PLAAT3: variants seen among roughly 807,000 people sequenced by gnomAD.
PLAAT3 encodes Ca-independent phospholipase A1/2.
Under a neutral mutation model 16.7 loss-of-function variants are expected in PLAAT3, and 21 were observed. That is an observed-to-expected ratio of 1.26 (90% CI 0.89 to 1.81). PLAAT3 has a LOEUF of 1.81. Ranked by LOEUF, PLAAT3 falls within the 40% of genes most tolerant of loss-of-function variation. The pLI is 0.00. For missense variants in PLAAT3, 219 were observed against 213.7 expected (o/e 1.02, Z -0.16); for synonymous variants, 76 against 81.7 (o/e 0.93, Z 0.38).
At chr11:63,586,246 G>A (rs1429871096) in intron 4 of PLAAT3, among the ~76,000 whole-genome samples, 2 of 152,152 alleles carry the variant, frequency 1.3e-5, no homozygotes, top group African/African-American at 4.8e-5. Context: ...CGATTCTCCT[G>A]CCTCAGCCTC....
upstream of PLAAT3, among the ~76,000 whole-genome samples, chr11:63,615,106 A>G (rs191768719): frequency 2.0e-5 from 2 of 101,266 alleles, 1 homozygote; most frequent in Non-Finnish European, 4.2e-5. Flanking sequence ...ATGTGTATAT[A>G]TGTGTGTATA....
chr11:63,596,806 G>T (rs1172962020), intron 3 of PLAAT3, among the ~76,000 whole-genome samples: 1 of 152,208 alleles, frequency 6.6e-6, no homozygotes, highest in South Asian at 2.1e-4. Context: ...TGGTTTAGAA[G>T]TGTGGCACTC....
intron 4 of PLAAT3, 125 bp downstream of exon 4, chr11:63,589,975 C>A: frequency 4.8e-5 from 34 of 715,336 alleles, no homozygotes; most frequent in East Asian, 9.1e-5. Flanking sequence ...ACTGTGACAT[C>A]CTCAAGGGCA....
chr11:63,609,087 C>T (rs990278174), intron 2 of PLAAT3, among the ~76,000 whole-genome samples: 4 of 152,160 alleles, frequency 2.6e-5, no homozygotes, highest in South Asian at 2.1e-4. Flanking sequence ...GGTCACAGAC[C>T]GCTCTCGGAC....
chr11:63,607,438 G>A (rs1938594720), intron 2 of PLAAT3, among the ~76,000 whole-genome samples: 2 of 151,832 alleles, frequency 1.3e-5, no homozygotes, highest in Non-Finnish European at 2.9e-5. Context: ...GAGGCTGGAG[G>A]ATCACTTGAG....
intron 4 of PLAAT3, among the ~76,000 whole-genome samples, chr11:63,576,988 C>T (rs561219088): frequency 5.3e-5 from 8 of 152,248 alleles, no homozygotes; most frequent in Admixed American, 5.2e-4. Context: ...ACATATTTAG[C>T]TTAACAAATT....
intron 3 of PLAAT3, among the ~76,000 whole-genome samples, chr11:63,597,196 G>A (rs558811987): frequency 6.8e-4 from 103 of 151,830 alleles, no homozygotes; most frequent in Non-Finnish European, 2.8e-4. Flanking sequence ...TTCCTGAGGC[G>A]TCCCCAGCCA....
intron 2 of PLAAT3, among the ~76,000 whole-genome samples, chr11:63,611,009 G>A (rs1052400311): frequency 6.6e-6 from 1 of 152,096 alleles, no homozygotes; most frequent in African/African-American, 2.4e-5. Context: ...CATAAAAGCC[G>A]CAAAAGCCCA....
At chr11:63,580,576 C>T (rs1315029979) in intron 4 of PLAAT3, among the ~76,000 whole-genome samples, 1 of 152,196 alleles carries the variant, frequency 6.6e-6, no homozygotes, top group Non-Finnish European at 1.5e-5. Flanking sequence ...ATCACTTGAA[C>T]CCAGGAGGCA....
At chr11:63,615,298 G>A (rs868579392), upstream of PLAAT3, among the ~76,000 whole-genome samples, 1 of 12,966 alleles carries the variant, frequency 7.7e-5, no homozygotes, top group African/African-American at 1.1e-4. Flanking sequence ...GTATATATAT[G>A]TGTGTATATA....
intron 2 of PLAAT3, among the ~76,000 whole-genome samples, chr11:63,604,574 C>G (rs953482236): frequency 7.2e-5 from 11 of 151,986 alleles, no homozygotes; most frequent in African/African-American, 2.7e-4. Context: ...ACCAGCCTGG[C>G]CAACATGGTG....
Position 63,601,445 on chromosome 11 carries a change from C to T in PLAAT3, c.16-3282G>A, listed in dbSNP as rs143987937. Among the ~76,000 whole-genome samples, 700 of 149,520 alleles carry T rather than the reference C, an allele frequency of 4.7e-3. 4 individuals carry two copies. The highest frequency in any genetic ancestry group is 0.016 in the African/African-American group (655 of 40,650). The stretch of plus-strand genomic sequence containing the variant: ...CCAATCTGCCTATTCTTTGTAAGGG[C>T]AAGAGATACATATTCCCAAGCTCAA... On this transcript the variant is annotated intron_variant, in intron 2 of 4. Transcript: ENST00000415826.
chr11:63,613,226 A>G (rs1463452960), intron 2 of PLAAT3, among the ~76,000 whole-genome samples: 1 of 152,038 alleles, frequency 6.6e-6, no homozygotes, highest in Non-Finnish European at 1.5e-5. Context: ...CCTGGCTAAC[A>G]CGGTGAAACC....
chr11:63,605,933 G>A (rs1396700567), intron 2 of PLAAT3, among the ~76,000 whole-genome samples: 1 of 152,128 alleles, frequency 6.6e-6, no homozygotes, highest in Admixed American at 6.5e-5. Flanking sequence ...CAACACAGCC[G>A]ACCCGCGCTC....
intron 2 of PLAAT3, among the ~76,000 whole-genome samples, chr11:63,604,626 G>A (rs1220124577): frequency 2.0e-5 from 3 of 151,940 alleles, no homozygotes; most frequent in Admixed American, 1.3e-4. Flanking sequence ...AGCCAGGCAT[G>A]GTGGTACATG....
At chr11:63,594,895 G>C (rs1464618214) in intron 3 of PLAAT3, among the ~76,000 whole-genome samples, 1 of 151,876 alleles carries the variant, frequency 6.6e-6, no homozygotes, top group Non-Finnish European at 1.5e-5. Context: ...AGGAGGGGGT[G>C]GGGGTACATG....
At chr11:63,582,347 T>C (rs997809493) in intron 4 of PLAAT3, among the ~76,000 whole-genome samples, 1 of 152,026 alleles carries the variant, frequency 6.6e-6, no homozygotes, top group African/African-American at 2.4e-5. Flanking sequence ...AGCCATGCAA[T>C]TGGCCAAGGA....
rs1327435660 is a variant in PLAAT3, at chr11:63,585,677, T to G, written c.387+4423A>C. The stretch of plus-strand genomic sequence containing the variant: ...TTGTTGTAGAATATTCTGGCTTCAT[T>G]TTCTGTGATGGGATCAAGTAGAATT... On this transcript the variant is annotated intron_variant, in intron 4 of 4. Transcript: ENST00000415826. Among the ~76,000 whole-genome samples, 3 of 152,188 alleles carry G rather than the reference T, an allele frequency of 2.0e-5. No individual in the cohort carries two copies. The East Asian group carries it at 5.8e-4, about 29-fold the overall frequency.
At position 63,598,050 on chromosome 11, in the gene PLAAT3, T is replaced by C. The variant is rs985238919; in HGVS notation, c.118+11A>G. On this transcript the variant is annotated intron_variant, in intron 3 of 4. Coordinates refer to ENST00000415826, the MANE Select transcript of PLAAT3 (RefSeq NM_001128203.2). ...GGGGCCCATCACAGTGGAGGTCCCA[T>C]GTGTTCTTACTTGGAGGGGCCAGAT... 3.8e-6 allele frequency: 6 copies of C among 1,578,062 alleles called. No homozygotes were observed. The highest frequency in any genetic ancestry group is 4.4e-6 in the Non-Finnish European group (5 of 1,147,186).
Sources: allele counts gnomAD v4.1 joint callset (sites outside exome capture counted in the v4.1 genomes callset), GRCh38; gene constraint gnomAD v4.1.1; transcripts MANE v1.5; gene names NCBI Gene and HGNC (gene_info 2026-07-23, HGNC 2026-07-21).